APOC4: variants seen among roughly 807,000 people sequenced by gnomAD.
The protein encoded by APOC4 is apolipoprotein C4.
In APOC4, 10 loss-of-function variants were observed where a neutral mutation model predicts 8.4. The ratio of observed to expected loss-of-function variants is 1.19; its 90% CI spans 0.74 to 2.03. The LOEUF (loss-of-function observed/expected upper bound fraction) is 2.03. Ranked by LOEUF, APOC4 falls within the 30% of genes most tolerant of loss-of-function variation. The pLI, the probability that APOC4 is intolerant of heterozygous loss-of-function variation, is 0.00. For missense variants in APOC4, 160 were observed against 156.1 expected, an observed-to-expected ratio of 1.02 and a Z score of -0.13; for synonymous variants, 59 against 65.8, an observed-to-expected ratio of 0.90 and a Z score of 0.50.
Position 44,945,349 on chromosome 19 carries a change from T to C in APOC4, c.*44T>C. On this transcript the variant is annotated 3_prime_UTR_variant, in exon 3 of 3. Coordinates refer to ENST00000592954, the MANE Select transcript of APOC4 (RefSeq NM_001646.3). ...GTGTGGTTGTGGCGGGTGCCTGTAG[T>C]CCCAGCTACTCAGGAGGCTGAGGTA... is the stretch of plus-strand genomic sequence containing the variant. 6.3e-7 allele frequency: 1 copy of C among 1,577,468 alleles called. No homozygotes were observed. The highest frequency in any genetic ancestry group is 8.6e-7 in the Non-Finnish European group (1 of 1,164,728).
chr19:44,943,683 C>T (rs866926109), intron 1 of APOC4, among the ~76,000 whole-genome samples: 1 of 151,526 alleles, frequency 6.6e-6, no homozygotes. Flanking sequence ...GCCGAGATCG[C>T]GCCACTGCAT....
intron 1 of APOC4, 98 bp downstream of exon 1, chr19:44,942,451 C>T (rs948657217): frequency 1.9e-5 from 23 of 1,218,400 alleles, no homozygotes; most frequent in Middle Eastern, 3.9e-4. Context: ...GACATGAGTA[C>T]GGAGTGTGTG....
chr19:44,945,465 A>C lies in APOC4; in HGVS notation c.*160A>C, dbSNP rs530105873. The C allele has an allele frequency of 3.0e-6, 2 of 674,218 alleles. No homozygotes were observed. The highest frequency in any genetic ancestry group is 3.0e-5 in the East Asian group (1 of 33,624). The allele number at this position is 674,218 out of a possible 1,614,324, so 41.8% of individuals were successfully genotyped here. On this transcript the variant is annotated 3_prime_UTR_variant, in exon 3 of 3. Transcript: ENST00000592954. ...AAAACAAAAAGAAAAAAAAAAGTTC[A>C]TACTTCTCCAATAAATAAAGTCTCA...
intron 1 of APOC4, among the ~76,000 whole-genome samples, chr19:44,942,672 G>A (rs2122197659): frequency 6.6e-6 from 1 of 152,120 alleles, no homozygotes; most frequent in South Asian, 2.1e-4. Flanking sequence ...TGGGGTATGT[G>A]TGTGCAAAAT....
chr19:44,943,681 C>T (rs754667688), intron 1 of APOC4, among the ~76,000 whole-genome samples: 6 of 151,640 alleles, frequency 4.0e-5, no homozygotes, highest in Admixed American at 6.6e-5. Flanking sequence ...GAGCCGAGAT[C>T]GCGCCACTGC....
intron 1 of APOC4, among the ~76,000 whole-genome samples, chr19:44,944,421 G>A (rs1272302228): frequency 6.6e-6 from 1 of 152,040 alleles, no homozygotes; most frequent in Non-Finnish European, 1.5e-5. Context: ...CTGCTACTCG[G>A]GAGGCTGAGG....
intron 1 of APOC4, 59 bp from the exon 2 acceptor site, chr19:44,944,690 A>C: frequency 6.5e-7 from 1 of 1,543,700 alleles, no homozygotes; most frequent in Non-Finnish European, 8.7e-7. Flanking sequence ...CATGGAGGGA[A>C]AGGGAGAAGG....
rs1261402302 is a variant in APOC4 at position 44,945,168 on chromosome 19, C to G, written c.247C>G (p.Gln83Glu). 3.1e-6 allele frequency: 5 copies of G among 1,613,926 alleles called. No individual in the cohort carries two copies. The highest frequency in any genetic ancestry group is 4.2e-6 in the Non-Finnish European group (5 of 1,180,000). Residue 83 changes from glutamine (Q) to glutamate (E), a missense_variant, in exon 3 of 3, where the codon CAG (glutamine) becomes GAG (glutamate). Coordinates refer to ENST00000592954, the MANE Select transcript of APOC4 (RefSeq NM_001646.3). ...WSPSTFRGFMQTYYDDHLRDL... is the reference protein window; with the variant it reads ...WSPSTFRGFMETYYDDHLRDL... ...CCCGAGCACCTTCCGGGGCTTCATG[C>G]AGACCTACTATGACGACCACCTGAG...
Position 44,944,783 on chromosome 19 carries a change from C to G in APOC4, c.111C>G (p.Ser37Arg). Residue 37 changes from serine (S) to arginine (R), a missense_variant, in exon 2 of 3, where the codon AGC (serine) becomes AGG (arginine). Transcript: ENST00000592954. ...CAGAGGCCCAGGAAGGAACCCTGAGCCCCCCACCAAAGCTAAAGATGAGTC... is the reference window on the plus strand; with the variant it reads ...CAGAGGCCCAGGAAGGAACCCTGAGGCCCCCACCAAAGCTAAAGATGAGTC... The part of the protein sequence containing the change: ...CQPEAQEGTL[S>R]PPPKLKMSRW... The G allele has an allele frequency of 6.2e-7, 1 of 1,611,236 alleles. No homozygotes were observed. Among genetic ancestry groups the G allele is most frequent in the East Asian group, 2.2e-5 (1 of 44,762 alleles).
chr19:44,943,019 T>G (rs1970277032), intron 1 of APOC4, among the ~76,000 whole-genome samples: 1 of 152,066 alleles, frequency 6.6e-6, no homozygotes, highest in Admixed American at 6.6e-5. Context: ...CCTCCCGGGT[T>G]CACGCCATTC....
intron 2 of APOC4, 73 bp downstream of exon 2, chr19:44,944,963 C>A: frequency 3.2e-6 from 5 of 1,540,434 alleles, no homozygotes; most frequent in Non-Finnish European, 4.4e-6. Context: ...GGCCTGGACC[C>A]CTGAGTCTCA....
At chr19:44,943,983 C>T (rs1017919888) in intron 1 of APOC4, among the ~76,000 whole-genome samples, 3 of 152,130 alleles carry the variant, frequency 2.0e-5, no homozygotes, top group African/African-American at 7.2e-5. Flanking sequence ...AGGTCTGGCC[C>T]GGAAAGAGGA....
intron 1 of APOC4, among the ~76,000 whole-genome samples, chr19:44,942,775 G>A (rs979987841): frequency 2.0e-5 from 3 of 148,834 alleles, no homozygotes; most frequent in African/African-American, 2.5e-5. Context: ...TTTTTGAGAC[G>A]GAGTCTCACT....
At position 44,942,460 on chromosome 19, in the gene APOC4, T is replaced by G; in HGVS notation, c.76+107T>G. 2.7e-6 allele frequency: 3 copies of G among 1,093,246 alleles called. No individual in the cohort carries two copies. In the African/African-American group the frequency reaches 4.7e-5, roughly 17 times the overall value. 67.7% of individuals were successfully genotyped at this position (1,093,246 alleles called of 1,614,324 possible). ...ACGTGAGACATGAGTACGGAGTGTGTGCGTTTCATGGCGTGCGTATGCATG... is the reference window on the plus strand; with the variant it reads ...ACGTGAGACATGAGTACGGAGTGTGGGCGTTTCATGGCGTGCGTATGCATG... On this transcript the variant is annotated intron_variant, in intron 1 of 2. Coordinates refer to ENST00000592954, the MANE Select transcript of APOC4 (RefSeq NM_001646.3).
rs754475200 is a variant in APOC4 at position 44,942,258 on chromosome 19, G to A, written c.-20G>A. 2.5e-6 allele frequency: 4 copies of A among 1,601,468 alleles called. No individual in the cohort carries two copies. The highest frequency in any genetic ancestry group is 3.4e-6 in the Non-Finnish European group (4 of 1,174,000). On this transcript the variant is annotated 5_prime_UTR_variant, in exon 1 of 3. Transcript: ENST00000592954. Reference sequence around the variant, plus strand: ...CCGCAGAGTTGAGCACAGAGGGACAGAGGCACGGAACCCCCAGAAATGTCC... The same window carrying A: ...CCGCAGAGTTGAGCACAGAGGGACAAAGGCACGGAACCCCCAGAAATGTCC...
rs61069916 is a variant in APOC4 at position 44,945,227 on chromosome 19, C to T, written c.306C>T (p.Leu102=). The change falls in exon 3 of 3, where the codon CTC becomes CTT. Residue 102 remains leucine (L), a synonymous_variant. Coordinates refer to ENST00000592954, the MANE Select transcript of APOC4 (RefSeq NM_001646.3). ...DLGPLTKAWF[L]ESKDSLLKKT... ...GTCCGCTCACCAAGGCCTGGTTCCT[C>T]GAATCCAAAGACAGCCTCTTGAAGA... 12 of 1,614,064 alleles carry T rather than the reference C, an allele frequency of 7.4e-6. No homozygotes were observed. The highest frequency in any genetic ancestry group is 1.0e-5 in the Non-Finnish European group (12 of 1,180,002).
intron 1 of APOC4, among the ~76,000 whole-genome samples, chr19:44,942,620 T>C (rs1970271770): frequency 6.6e-6 from 1 of 152,046 alleles, no homozygotes; most frequent in Admixed American, 6.6e-5. Flanking sequence ...AAAAAGTGCA[T>C]GTCTGTGTGC....
At position 44,942,270 on chromosome 19, in the gene APOC4, C is replaced by T. The variant is rs769418954; in HGVS notation, c.-8C>T. On this transcript the variant is annotated 5_prime_UTR_variant, in exon 1 of 3. Coordinates refer to ENST00000592954, the MANE Select transcript of APOC4 (RefSeq NM_001646.3). ...GCACAGAGGGACAGAGGCACGGAACCCCCAGAAATGTCCCTCCTCAGAAAC... is the reference window on the plus strand; with the variant it reads ...GCACAGAGGGACAGAGGCACGGAACTCCCAGAAATGTCCCTCCTCAGAAAC... The T allele has an allele frequency of 1.1e-5, 18 of 1,608,752 alleles. No individual in the cohort carries two copies. The African/African-American group carries it at 1.9e-4, about 17-fold the overall frequency.
In APOC4 at chr19:44,944,907, C is replaced by T. The variant is rs748260064; in HGVS notation, c.218+17C>T. ...ATGGTTCTGGTGAGGGTGTGCTGGG[C>T]TGGGTGGTGGGAGGGGACTCCTGGG... is the stretch of plus-strand genomic sequence containing the variant. On this transcript the variant is annotated intron_variant, in intron 2 of 2. Transcript: ENST00000592954. 3.8e-6 allele frequency: 6 copies of T among 1,594,160 alleles called. No individual in the cohort carries two copies. In the South Asian group the frequency reaches 4.5e-5, roughly 12 times the overall value.
Sources: gnomAD v4.1 joint callset for allele counts (sites outside exome capture counted in the v4.1 genomes callset) on GRCh38, gnomAD v4.1.1 for gene constraint, MANE v1.5 for transcripts, NCBI Gene and HGNC (gene_info 2026-07-23, HGNC 2026-07-21) for gene names.